COL11A1: variants seen among roughly 807,000 people sequenced by gnomAD.
COL11A1 encodes the protein collagen type XI alpha 1 chain.
COL11A1 carries 74 observed loss-of-function variants against 265.2 expected under a neutral mutation model. The observed-to-expected ratio is 0.28, with a 90% CI of 0.23 to 0.34. The LOEUF (loss-of-function observed/expected upper bound fraction) is 0.34. COL11A1 is among the 10% of genes least tolerant of loss of function. The probability of loss-of-function intolerance (pLI) is 1.00; values close to 1 mark genes in which losing one functional copy is unlikely to be tolerated. For missense variants in COL11A1, 2,165 were observed against 2,263.6 expected (o/e 0.96, Z 0.88); for synonymous variants, 816 against 727.6 (o/e 1.12, Z -1.96).
chr1:103,086,606 C>T (rs868055991), intron 1 of COL11A1, among the ~76,000 whole-genome samples: 7 of 151,998 alleles, frequency 4.6e-5, no homozygotes, highest in Non-Finnish European at 5.9e-5. Context: ...TTAGTAGAGA[C>T]GGGGTTTCAC....
Position 102,879,809 on chromosome 1 carries a change from C to T in COL11A1, c.5148G>A (p.Gln1716=). ...ATGACACATCATACCAGGCTGCTGA[C>T]TGATGACAGTGGTAGGTGAAATTTT... ...ARQNFTYHCH[Q]SAAWYDVSSG... The change falls in exon 66 of 67, where the codon CAG becomes CAA. Residue 1716 remains glutamine, a synonymous_variant. Coordinates refer to ENST00000370096, the MANE Select transcript of COL11A1 (RefSeq NM_001854.4). 2 of 1,614,012 alleles carry T rather than the reference C, an allele frequency of 1.2e-6. No homozygotes were observed. Among genetic ancestry groups the T allele is most frequent in the South Asian group, 1.1e-5 (1 of 91,084 alleles).
At chr1:102,894,767 T>C (rs1652203976) in intron 57 of COL11A1, among the ~76,000 whole-genome samples, 1 of 152,124 alleles carries the variant, frequency 6.6e-6, no homozygotes, top group Non-Finnish European at 1.5e-5. Context: ...TTAGCTTCCA[T>C]ATGTGCTATT....
intron 58 of COL11A1, 137 bp downstream of exon 58, chr1:102,890,314 A>C: frequency 1.3e-6 from 1 of 752,530 alleles, no homozygotes. Context: ...TGGGAAGCTA[A>C]GGATTGAAGC....
At chr1:102,881,822 T>G (rs1650278378) in intron 64 of COL11A1, 57 bp from the exon 65 acceptor site, 1 of 1,189,558 alleles carries the variant, frequency 8.4e-7, no homozygotes, top group African/African-American at 1.5e-5. Context: ...ATATAAACAG[T>G]ATTTTTATAT....
chr1:103,003,389 T>G, intron 20 of COL11A1, 121 bp from the exon 21 acceptor site: 1 of 1,060,614 alleles, frequency 9.4e-7, no homozygotes. Context: ...CATCTTTTAT[T>G]AACACACTGA....
At chr1:102,939,224 C>A in intron 43 of COL11A1, 136 bp from the exon 44 acceptor site, 2 of 808,412 alleles carry the variant, frequency 2.5e-6, no homozygotes, top group South Asian at 1.5e-5. Context: ...AATGGAAAAT[C>A]TTGGGTTCCC....
chr1:102,888,177 A>G (rs2100848405), intron 62 of COL11A1, among the ~76,000 whole-genome samples: 1 of 152,302 alleles, frequency 6.6e-6, no homozygotes, highest in South Asian at 2.1e-4. Context: ...ATAAAGTGGT[A>G]GCTATTACTA....
chr1:103,017,958 C>G (rs945748), intron 10 of COL11A1, 76 bp from the exon 11 acceptor site: 1 of 1,162,204 alleles, frequency 8.6e-7, no homozygotes, highest in Non-Finnish European at 1.3e-6. Context: ...CTAGTCCTAT[C>G]GAAGAGTTCG....
intron 46 of COL11A1, among the ~76,000 whole-genome samples, chr1:102,927,732 A>G (rs1005712272): frequency 6.6e-6 from 1 of 152,174 alleles, no homozygotes; most frequent in African/African-American, 2.4e-5. Flanking sequence ...GATATATTTG[A>G]ACAGAGGCTG....
chr1:103,003,271 A>G lies in COL11A1; in HGVS notation c.1945-3T>C. On this transcript the variant is annotated splice_region_variant and splice_polypyrimidine_tract_variant and intron_variant, in intron 20 of 66. Coordinates refer to ENST00000370096, the MANE Select transcript of COL11A1 (RefSeq NM_001854.4). ...GGACCCAGCAAACCTCGTGGGCCCT[A>G]GGAGAAAAAGAAAAAGCACGCCTTT... is the stretch of plus-strand genomic sequence containing the variant. 1 of 1,612,692 alleles carries G rather than the reference A, an allele frequency of 6.2e-7. No individual in the cohort carries two copies. Among genetic ancestry groups the G allele is most frequent in the Non-Finnish European group, 8.5e-7 (1 of 1,179,454 alleles).
intron 7 of COL11A1, among the ~76,000 whole-genome samples, chr1:103,023,370 C>CTTT (rs112800509): frequency 2.1e-5 from 3 of 142,958 alleles, no homozygotes. Context: ...TTTTTTCTTT[C>CTTT]TTTTTTTTTT....
intron 42 of COL11A1, among the ~76,000 whole-genome samples, chr1:102,941,131 T>A (rs962340899): frequency 2.0e-5 from 3 of 152,158 alleles, no homozygotes; most frequent in African/African-American, 7.2e-5. Flanking sequence ...AATCTACAAG[T>A]CATTAGGTTT....
At position 103,002,742 on chromosome 1, in the gene COL11A1, C is replaced by T. The variant is rs1665230729; in HGVS notation, c.2043+5G>A. 2.5e-6 allele frequency: 4 copies of T among 1,611,222 alleles called. No individual in the cohort carries two copies. The highest frequency in any genetic ancestry group is 1.7e-4 in the Middle Eastern group (1 of 6,050). On this transcript the variant is annotated splice_donor_5th_base_variant and intron_variant, in intron 22 of 66. Transcript: ENST00000370096. Reference sequence around the variant, plus strand: ...TGAGTTATTTTATCACTATTTGCTACATACCATGTTCCCTTTTGGTCCTGG... The same window carrying T: ...TGAGTTATTTTATCACTATTTGCTATATACCATGTTCCCTTTTGGTCCTGG...
chr1:103,030,655 T>TAA (rs201051599), intron 5 of COL11A1, among the ~76,000 whole-genome samples: 4 of 152,020 alleles, frequency 2.6e-5, no homozygotes, highest in African/African-American at 9.7e-5. Context: ...AAATTTTTTT[T>TAA]AAAAACCCTC....
chr1:102,935,243 G>T (rs1228961943), intron 44 of COL11A1, 130 bp from the exon 45 acceptor site: 1 of 707,178 alleles, frequency 1.4e-6, no homozygotes, highest in East Asian at 2.8e-5. Context: ...GCATCACATA[G>T]AATTATTTTG....
intron 46 of COL11A1, among the ~76,000 whole-genome samples, chr1:102,930,639 G>A (rs1472375372): frequency 1.3e-5 from 2 of 152,070 alleles, no homozygotes; most frequent in Non-Finnish European, 2.9e-5. Flanking sequence ...CTCTTTTTCT[G>A]TTGATTGGAA....
intron 1 of COL11A1, among the ~76,000 whole-genome samples, chr1:103,107,442 C>T (rs1461241900): frequency 1.3e-5 from 2 of 151,888 alleles, no homozygotes; most frequent in Admixed American, 6.6e-5. Context: ...TATCTTGAAC[C>T]TATTCCTAAT....
intron 4 of COL11A1, among the ~76,000 whole-genome samples, chr1:103,063,596 C>T (rs1670842088): frequency 6.6e-6 from 1 of 151,950 alleles, no homozygotes; most frequent in African/African-American, 2.4e-5. Context: ...AACACAAAAC[C>T]ATGAAACTCC....
intron 18 of COL11A1, 67 bp downstream of exon 18, chr1:103,005,771 C>G: frequency 6.3e-7 from 1 of 1,583,636 alleles, no homozygotes. Context: ...TCTGATTTTG[C>G]AAATTGTTAT....
Sources: allele counts gnomAD v4.1 joint callset (sites outside exome capture counted in the v4.1 genomes callset), GRCh38; gene constraint gnomAD v4.1.1; transcripts MANE v1.5; gene names NCBI Gene and HGNC (gene_info 2026-07-23, HGNC 2026-07-21).